Variants in CDH23 observed in about 807,000 individuals in gnomAD.
CDH23 encodes cadherin-23.
In CDH23, 189 loss-of-function variants were observed where a neutral mutation model predicts 317.1. The ratio of observed to expected loss-of-function variants is 0.60; its 90% CI spans 0.53 to 0.67. The LOEUF (loss-of-function observed/expected upper bound fraction) is 0.67. CDH23 is among the 30% of genes least tolerant of loss of function. The probability of loss-of-function intolerance (pLI) is 0.00; values close to 1 mark genes in which losing one functional copy is unlikely to be tolerated. For missense variants in CDH23, 4,401 were observed against 4,592.4 expected (o/e 0.96, Z 1.20); for synonymous variants, 1,839 against 1,876.8 (o/e 0.98, Z 0.52).
intron 9 of CDH23, among the ~76,000 whole-genome samples, chr10:71,607,637 T>A (rs979348159): frequency 2.0e-5 from 3 of 152,216 alleles, no homozygotes; most frequent in Non-Finnish European, 1.5e-5. Flanking sequence ...GTGTGGTGGC[T>A]CACGCCTGTA....
chr10:71,806,362 T>C, intron 57 of CDH23, 81 bp downstream of exon 57: 4 of 933,006 alleles, frequency 4.3e-6, no homozygotes, highest in Admixed American at 2.0e-5. Context: ...CTATATACAC[T>C]GTGCCAGAAT....
At chr10:71,808,577 G>A (rs1027273534) in intron 60 of CDH23, among the ~76,000 whole-genome samples, 42 of 152,290 alleles carry the variant, frequency 2.8e-4, no homozygotes, top group African/African-American at 8.4e-4. Context: ...TGACCTGTGT[G>A]GATGGCTGAG....
intron 9 of CDH23, among the ~76,000 whole-genome samples, chr10:71,610,032 T>G (rs1860779721): frequency 6.6e-6 from 1 of 150,376 alleles, no homozygotes; most frequent in South Asian, 2.1e-4. Flanking sequence ...AGAGACGGAG[T>G]CTCACTCTAT....
chr10:71,772,738 T>A lies in CDH23; in HGVS notation c.4846-4942T>A, dbSNP rs371690093. ...CCACACTGGTCCCTGAGTGGCAGCC[T>A]TGCTAGGATGGCAGGAATCAGCTGA... is the stretch of plus-strand genomic sequence containing the variant. On this transcript the variant is annotated intron_variant, in intron 38 of 69. Transcript: ENST00000224721. 1.1e-3 allele frequency among the ~76,000 whole-genome samples: 169 copies of A among 152,316 alleles called. No individual in the cohort carries two copies. The South Asian group carries it at 0.018, about 16-fold the overall frequency.
chr10:71,673,295 C>T (rs1402179114), intron 14 of CDH23, among the ~76,000 whole-genome samples: 2 of 152,214 alleles, frequency 1.3e-5, no homozygotes, highest in African/African-American at 2.4e-5. Context: ...TTTGGTCACA[C>T]AGTGACCTGG....
chr10:71,647,017 C>T (rs569044724), intron 14 of CDH23: 2 of 985,250 alleles, frequency 2.0e-6, no homozygotes, highest in African/African-American at 3.5e-5. Context: ...CTGGAGGGTA[C>T]CGGGGCACCC....
Position 71,805,851 on chromosome 10 carries a change from A to T in CDH23, c.7918A>T (p.Lys2640Ter). The T allele has an allele frequency of 6.2e-7, 1 of 1,613,836 alleles. No individual in the cohort carries two copies. The highest frequency in any genetic ancestry group is 8.5e-7 in the Non-Finnish European group (1 of 1,179,852). ...SNVYEVYATD[K>*]DEGLNGAVRY... Reference sequence around the variant, plus strand: ...CGTGTACGAGGTCTACGCCACGGACAAGGATGAGGGCCTCAACGGGGCGGT... The same window carrying T: ...CGTGTACGAGGTCTACGCCACGGACTAGGATGAGGGCCTCAACGGGGCGGT... Residue 2640 changes from lysine (K) to a stop codon, truncating the protein, a stop_gained, in exon 56 of 70, where the codon AAG becomes TAG. Transcript: ENST00000224721. LOFTEE classifies it high-confidence loss of function.
chr10:71,594,327 CTGTT>C (rs1051467468), intron 9 of CDH23, among the ~76,000 whole-genome samples: 14 of 151,158 alleles, frequency 9.3e-5, no homozygotes, highest in Middle Eastern at 3.4e-3. Flanking sequence ...TCCTTCCTTC[CTGTT>C]TCTTTCTTTC....
intron 3 of CDH23, among the ~76,000 whole-genome samples, chr10:71,486,490 G>T (rs939178827): frequency 2.0e-5 from 3 of 151,952 alleles, no homozygotes; most frequent in African/African-American, 7.3e-5. Context: ...CATGACAGGG[G>T]CTCGAGGGGA....
intron 53 of CDH23, among the ~76,000 whole-genome samples, chr10:71,801,150 C>CTCTTTTTTTTTT (rs765969201): frequency 1.4e-5 from 1 of 73,984 alleles, no homozygotes; most frequent in African/African-American, 5.9e-5. Context: ...CTCTCTCTCT[C>CTCTTTTTTTTTT]TTTTTTTTTT....
At chr10:71,767,806 C>A (rs576364334) in intron 38 of CDH23, among the ~76,000 whole-genome samples, 5 of 152,210 alleles carry the variant, frequency 3.3e-5, no homozygotes, top group Admixed American at 6.5e-5. Flanking sequence ...TCACATCAGA[C>A]CAAGGGGGCT....
chr10:71,452,370 T>C lies in CDH23; in HGVS notation c.145+5975T>C, dbSNP rs529995685. The stretch of plus-strand genomic sequence containing the variant: ...CGCAGCCAGAAGCCTCCCGAGTGCC[T>C]GCAGGAAGAAGTAGAGCTCTGTATC... On this transcript the variant is annotated intron_variant, in intron 3 of 69. Coordinates refer to ENST00000224721, the MANE Select transcript of CDH23 (RefSeq NM_022124.6). Among the ~76,000 whole-genome samples, 19 of 152,272 alleles carry C rather than the reference T, an allele frequency of 1.2e-4. No homozygotes were observed. In the East Asian group the frequency reaches 3.7e-3, roughly 29 times the overall value.
rs756856139 is a variant in CDH23 at position 71,815,334 on chromosome 10, G to A, written c.*56G>A. 2.1e-4 allele frequency: 315 copies of A among 1,468,672 alleles called. No homozygotes were observed. The highest frequency in any genetic ancestry group is 2.7e-4 in the Non-Finnish European group (297 of 1,098,102). 91.0% of individuals were successfully genotyped at this position (1,468,672 alleles called of 1,614,324 possible). On this transcript the variant is annotated 3_prime_UTR_variant, in exon 70 of 70. Transcript: ENST00000224721. ...GCACCCATCCACCGTCCCCTCCCAG[G>A]GAGCAAGGGCAGGGACAGGGCCGGT...
intron 11 of CDH23, among the ~76,000 whole-genome samples, chr10:71,620,285 T>G (rs1042364884): frequency 6.6e-6 from 1 of 152,074 alleles, no homozygotes; most frequent in Non-Finnish European, 1.5e-5. Context: ...CGAGTAGTTG[T>G]CTCTGCCACA....
chr10:71,625,746 C>CGGCTTCCTTTCA (rs1861704254), intron 11 of CDH23, among the ~76,000 whole-genome samples: 1 of 152,220 alleles, frequency 6.6e-6, no homozygotes, highest in Non-Finnish European at 1.5e-5. Context: ...CGGGCCTCTT[C>CGGCTTCCTTTCA]GGCTTCCTTT....
chr10:71,624,819 C>T (rs183944028), intron 11 of CDH23, among the ~76,000 whole-genome samples: 17 of 151,932 alleles, frequency 1.1e-4, no homozygotes, highest in Middle Eastern at 3.4e-3. Flanking sequence ...AGGAGTTAAG[C>T]GGCTTGCCTA....
Position 71,805,847 on chromosome 10 carries a change from G to T in CDH23, c.7914G>T (p.Thr2638=). ...LRSNVYEVYA[T]DKDEGLNGAV... is the part of the protein sequence containing the mutation. ...CCAACGTGTACGAGGTCTACGCCACGGACAAGGATGAGGGCCTCAACGGGG... is the reference window on the plus strand; with the variant it reads ...CCAACGTGTACGAGGTCTACGCCACTGACAAGGATGAGGGCCTCAACGGGG... Residue 2638 remains threonine, a synonymous_variant, in exon 56 of 70, where the codon ACG becomes ACT. Coordinates refer to ENST00000224721, the MANE Select transcript of CDH23 (RefSeq NM_022124.6). 10 of 1,613,814 alleles carry T rather than the reference G, an allele frequency of 6.2e-6. No individual in the cohort carries two copies. The highest frequency in any genetic ancestry group is 6.8e-6 in the Non-Finnish European group (8 of 1,179,846).
chr10:71,812,282 C>A, intron 66 of CDH23, 198 bp from the exon 67 acceptor site: 2 of 1,599,072 alleles, frequency 1.3e-6, no homozygotes, highest in South Asian at 1.1e-5. Context: ...CAAAGGCAAT[C>A]CAGACTGACA....
In CDH23 at chr10:71,805,978, A is replaced by G. The variant is rs1319265600; in HGVS notation, c.8045A>G (p.Glu2682Gly). 3 of 1,432,934 alleles carry G rather than the reference A, an allele frequency of 2.1e-6. No homozygotes were observed. Among genetic ancestry groups the G allele is most frequent in the Non-Finnish European group, 2.8e-6 (3 of 1,067,022 alleles). 88.8% of individuals were successfully genotyped at this position (1,432,934 alleles called of 1,614,324 possible). Residue 2682 changes from glutamate to glycine, a missense_variant, in exon 56 of 70, where the codon GAG becomes GGG. By Grantham distance (98) the Glu-to-Gly change is moderately conservative (BLOSUM62 -2). This residue lies in a region of CDH23 where 1,144 missense variants were observed against 1,138.2 expected (regional missense o/e 1.01). Coordinates refer to ENST00000224721, the MANE Select transcript of CDH23 (RefSeq NM_022124.6). ...CAGACTGCTCAGCGCCTGGACCGCG[A>G]GTCGCAGGCGGTGTACAGCGTAAGG... ...LIQTAQRLDR[E>G]SQAVYSLILV... is the part of the protein sequence containing the mutation.
Sources: gnomAD v4.1 joint callset for allele counts (sites outside exome capture counted in the v4.1 genomes callset) on GRCh38, gnomAD v4.1.1 for gene constraint, gnomAD v4.1.1 regional missense constraint, MANE v1.5 for transcripts, NCBI Gene and HGNC (gene_info 2026-07-23, HGNC 2026-07-21) for gene names.